Variants in SLC22A25 observed in about 807,000 individuals in gnomAD.
SLC22A25 encodes the protein MGI:2442751, MGI:2385316, MGI:3042283, MGI:3645714, MGI:3605624, MGI:2442750.
SLC22A25 carries 44 observed loss-of-function variants against 45.9 expected under a neutral mutation model. The observed-to-expected ratio is 0.96, with a 90% CI of 0.75 to 1.23. The LOEUF (loss-of-function observed/expected upper bound fraction) is 1.23. SLC22A25 is among the 50% of genes most tolerant of loss of function. The pLI is 0.00. For synonymous variants in SLC22A25, 283 were observed against 238.6 expected, an observed-to-expected ratio of 1.19 and a Z score of -1.72; for missense variants, 800 against 666.4, an observed-to-expected ratio of 1.20 and a Z score of -2.21.
At chr11:63,200,711 T>A (rs111519312) in intron 7 of SLC22A25, among the ~76,000 whole-genome samples, 3,317 of 152,086 alleles carry the variant, frequency 0.022, 124 homozygotes, top group African/African-American at 0.075. Context: ...AGAGAGGAAG[T>A]CAAACTATCC....
intron 7 of SLC22A25, among the ~76,000 whole-genome samples, chr11:63,187,040 T>C: frequency 6.6e-6 from 1 of 152,172 alleles, no homozygotes; most frequent in East Asian, 1.9e-4. Context: ...TCTTTTTTGG[T>C]TCCATATGAA....
At chr11:63,235,784 T>C (rs917289931) in intron 3 of SLC22A25, among the ~76,000 whole-genome samples, 7 of 152,202 alleles carry the variant, frequency 4.6e-5, no homozygotes, top group African/African-American at 1.7e-4. Flanking sequence ...TTATCTACTT[T>C]TGGTCTTTGA....
chr11:63,179,515 G>T (rs1189468601), intron 9 of SLC22A25, among the ~76,000 whole-genome samples: 2 of 152,044 alleles, frequency 1.3e-5, no homozygotes, highest in African/African-American at 2.4e-5. Context: ...GGGATTTCCT[G>T]GTTTCTGTTT....
intron 5 of SLC22A25, among the ~76,000 whole-genome samples, chr11:63,224,904 C>T (rs1364757921): frequency 6.6e-6 from 1 of 152,114 alleles, no homozygotes; most frequent in Admixed American, 6.5e-5. Flanking sequence ...TGGAGACCAT[C>T]CTGGCTAACA....
intron 7 of SLC22A25, among the ~76,000 whole-genome samples, chr11:63,184,417 C>G (rs568888942): frequency 6.6e-6 from 1 of 152,182 alleles, no homozygotes; most frequent in South Asian, 2.1e-4. Context: ...AACTTTCTCT[C>G]TGTATTAAAT....
intron 5 of SLC22A25, chr11:63,220,062 C>T (rs999175311): frequency 1.6e-6 from 2 of 1,212,764 alleles, no homozygotes; most frequent in Non-Finnish European, 2.2e-6. Context: ...GAGGGTACCC[C>T]AAACTTCTCA....
At chr11:63,195,475 GA>G (rs761910869) in intron 7 of SLC22A25, among the ~76,000 whole-genome samples, 8 of 152,122 alleles carry the variant, frequency 5.3e-5, no homozygotes, top group Non-Finnish European at 1.2e-4. Flanking sequence ...CAACTACATG[GA>G]AACTGAACGA....
chr11:63,172,703 A>G (rs1427726910), intron 9 of SLC22A25, among the ~76,000 whole-genome samples: 2 of 151,838 alleles, frequency 1.3e-5, no homozygotes, highest in African/African-American at 2.4e-5. Flanking sequence ...GTGATCCTTA[A>G]AAAGTTAGGA....
chr11:63,175,825 G>GTATATATATA (rs5792280), intron 9 of SLC22A25, among the ~76,000 whole-genome samples: 7 of 150,334 alleles, frequency 4.7e-5, no homozygotes, highest in African/African-American at 1.7e-4. Context: ...AATTGGGTGT[G>GTATATATATA]TATATATATA....
chr11:63,165,441 A>G (rs2087647268), intron 10 of SLC22A25, among the ~76,000 whole-genome samples: 1 of 152,192 alleles, frequency 6.6e-6, no homozygotes, highest in African/African-American at 2.4e-5. Flanking sequence ...CATTTAATTT[A>G]TGAATTCTAA....
chr11:63,183,556 A>G, intron 8 of SLC22A25, 138 bp downstream of exon 8: 1 of 1,083,666 alleles, frequency 9.2e-7, no homozygotes, highest in Non-Finnish European at 1.3e-6. Flanking sequence ...GTTGACACCC[A>G]TTGAGAATGA....
intron 5 of SLC22A25, among the ~76,000 whole-genome samples, chr11:63,219,551 A>G (rs1199583597): frequency 6.6e-6 from 1 of 152,190 alleles, no homozygotes; most frequent in Non-Finnish European, 1.5e-5. Context: ...TATTCATTCT[A>G]TTATTAATGA....
In SLC22A25 at chr11:63,161,253, G is replaced by A. The variant is rs1274139654; in HGVS notation, c.*2571C>T. On this transcript the variant is annotated 3_prime_UTR_variant, in exon 12 of 12. Transcript: ENST00000306494. The stretch of plus-strand genomic sequence containing the variant: ...ATCTAGGAAGTAACCAATTTCTTTT[G>A]ATTTTGCAAGGTCATAGGTGGAAAG... Among the ~76,000 whole-genome samples, 1 of 152,162 alleles carries A rather than the reference G, an allele frequency of 6.6e-6. No homozygotes were observed. The highest frequency in any genetic ancestry group is 1.9e-4 in the East Asian group (1 of 5,200).
chr11:63,228,898 G>T (rs1485878169), intron 4 of SLC22A25, among the ~76,000 whole-genome samples: 1 of 152,168 alleles, frequency 6.6e-6, no homozygotes, highest in Non-Finnish European at 1.5e-5. Flanking sequence ...GTAAGATATA[G>T]TCTGGACTTG....
rs1025889204 is a variant in SLC22A25 at position 63,160,754 on chromosome 11, A to G, written c.*3070T>C. Among the ~76,000 whole-genome samples, 7 of 152,172 alleles carry G rather than the reference A, an allele frequency of 4.6e-5. No homozygotes were observed. Among genetic ancestry groups the G allele is most frequent in the Non-Finnish European group, 7.3e-5 (5 of 68,036 alleles). On this transcript the variant is annotated 3_prime_UTR_variant, in exon 12 of 12. Coordinates refer to ENST00000306494, the MANE Select transcript of SLC22A25 (RefSeq NM_199352.6). The stretch of plus-strand genomic sequence containing the variant: ...GCCAGGAGGGAGGCTGTACCCTGCA[A>G]AGCCACAGAAGCAGAGCTGCCCAAG...
rs923538431 is a variant in SLC22A25 at position 63,237,901 on chromosome 11, A to G, written c.-465T>C. The G allele has an allele frequency of 1.3e-5, 2 of 152,240 alleles. No homozygotes were observed. The highest frequency in any genetic ancestry group is 4.8e-5 in the African/African-American group (2 of 41,458). 9.4% of individuals were successfully genotyped at this position (152,240 alleles called of 1,614,324 possible). ...CTCACTAGTATAGTGATCTTTGAAC[A>G]GAGATGCTCATCTGTCTGATAAATG... On this transcript the variant is annotated 5_prime_UTR_variant, in exon 3 of 12. Coordinates refer to ENST00000306494, the MANE Select transcript of SLC22A25 (RefSeq NM_199352.6).
intron 7 of SLC22A25, among the ~76,000 whole-genome samples, chr11:63,198,545 G>T (rs1318529876): frequency 6.6e-6 from 1 of 152,078 alleles, no homozygotes; most frequent in South Asian, 2.1e-4. Context: ...ACAGAGTGGG[G>T]AACATCACAC....
At chr11:63,182,610 T>C (rs932085603) in intron 8 of SLC22A25, among the ~76,000 whole-genome samples, 6 of 152,076 alleles carry the variant, frequency 3.9e-5, no homozygotes, top group African/African-American at 1.4e-4. Context: ...CACTATTCTA[T>C]TGGGATGCCT....
intron 7 of SLC22A25, among the ~76,000 whole-genome samples, chr11:63,197,622 T>C (rs2089091678): frequency 6.6e-6 from 1 of 152,140 alleles, no homozygotes; most frequent in Non-Finnish European, 1.5e-5. Context: ...ATAAAAACCC[T>C]AGAAGAAGAC....
Sources: gnomAD v4.1 joint callset for allele counts (sites outside exome capture counted in the v4.1 genomes callset) on GRCh38, gnomAD v4.1.1 for gene constraint, MANE v1.5 for transcripts, NCBI Gene and HGNC (gene_info 2026-07-23, HGNC 2026-07-21) for gene names.